The following KLF12 variants were observed in gnomAD, a reference collection of about 807,000 sequenced individuals.
KLF12 encodes Krueppel-like factor 12.
In KLF12, 9 loss-of-function variants were observed where a neutral mutation model predicts 37.8. That is an observed-to-expected ratio of 0.24 (90% CI 0.14 to 0.42). The LOEUF is 0.42. Ranked by LOEUF, KLF12 falls within the 10% of genes least tolerant of loss-of-function variation. The pLI, the probability that KLF12 is intolerant of heterozygous loss-of-function variation, is 1.00. For missense variants in KLF12, 411 were observed against 516.0 expected, an observed-to-expected ratio of 0.80 and a Z score of 1.97; for synonymous variants, 208 against 202.1, an observed-to-expected ratio of 1.03 and a Z score of -0.25.
rs1287961909 is a variant in KLF12, at chr13:73,797,548, T to C, written c.806+15604A>G. Among the ~76,000 whole-genome samples, 8 of 152,012 alleles carry C rather than the reference T, an allele frequency of 5.3e-5. No individual in the cohort carries two copies. The East Asian group carries it at 1.3e-3, about 26-fold the overall frequency. ...ATTTTGGGAGGCTGAGACAGGAGAA[T>C]CACTTGAGGCCACGATTTCGAGACC... On this transcript the variant is annotated intron_variant, in intron 5 of 7. Coordinates refer to ENST00000377669, the MANE Select transcript of KLF12 (RefSeq NM_007249.5).
chr13:73,839,889 T>C (rs1884650733), intron 4 of KLF12, among the ~76,000 whole-genome samples: 1 of 152,182 alleles, frequency 6.6e-6, no homozygotes, highest in Non-Finnish European at 1.5e-5. Context: ...ATAAACTTGC[T>C]ATACTATCTC....
At position 74,090,550 on chromosome 13, in the gene KLF12, T is replaced by C. The variant is rs1313434722; in HGVS notation, c.-32+43189A>G. Among the ~76,000 whole-genome samples, 5 of 152,150 alleles carry C rather than the reference T, an allele frequency of 3.3e-5. No homozygotes were observed. In the East Asian group the frequency reaches 7.7e-4, roughly 23 times the overall value. Reference sequence around the variant, plus strand: ...TAAAATGCATGTAGAGTCTAATAAATGTATACTGGTGGGTCGCTGTGGTTT... The same window carrying C: ...TAAAATGCATGTAGAGTCTAATAAACGTATACTGGTGGGTCGCTGTGGTTT... On this transcript the variant is annotated intron_variant, in intron 1 of 7. Coordinates refer to ENST00000377669, the MANE Select transcript of KLF12 (RefSeq NM_007249.5).
chr13:73,712,816 T>C (rs1387690096), intron 7 of KLF12, among the ~76,000 whole-genome samples: 6 of 152,248 alleles, frequency 3.9e-5, no homozygotes, highest in Non-Finnish European at 8.8e-5. Flanking sequence ...AGATGACTGT[T>C]AGTACTTGTG....
chr13:73,951,190 C>A (rs1003406419), intron 2 of KLF12, among the ~76,000 whole-genome samples: 5 of 152,180 alleles, frequency 3.3e-5, no homozygotes, highest in African/African-American at 1.2e-4. Flanking sequence ...GGGGTTGTTT[C>A]ATGTGCTTTA....
At chr13:74,271,758 G>A in the KLF12 span, among the ~76,000 whole-genome samples, 1 of 152,154 alleles carries the variant, frequency 6.6e-6, no homozygotes. Flanking sequence ...AGGTAGGCAA[G>A]TCAGGTATGG....
intron 6 of KLF12, among the ~76,000 whole-genome samples, chr13:73,764,086 T>C (rs1319640965): frequency 2.0e-5 from 3 of 152,146 alleles, no homozygotes; most frequent in African/African-American, 7.2e-5. Context: ...GTGATCATCT[T>C]CCCATACTTA....
At chr13:73,756,445 GAACATCCTTCAT>G (rs1159200296) in intron 6 of KLF12, among the ~76,000 whole-genome samples, 3 of 152,108 alleles carry the variant, frequency 2.0e-5, no homozygotes, top group South Asian at 2.1e-4. Context: ...TATTTTGACT[GAACATCCTTCAT>G]ACATTTTGGC....
chr13:74,004,333 TATTGTCTATTA>T (rs1448595721), intron 1 of KLF12, among the ~76,000 whole-genome samples: 1 of 152,178 alleles, frequency 6.6e-6, no homozygotes, highest in African/African-American at 2.4e-5. Context: ...CTAACTACTC[TATTGTCTATTA>T]ACTTGCATTA....
chr13:74,072,364 A>AAT (rs773653636), intron 1 of KLF12, among the ~76,000 whole-genome samples: 2,611 of 62,662 alleles, frequency 0.042, 55 homozygotes, highest in Middle Eastern at 0.056. Context: ...AAGAAATACA[A>AAT]ATATATATAT....
intron 1 of KLF12, among the ~76,000 whole-genome samples, chr13:74,011,757 T>C (rs1892556997): frequency 6.6e-6 from 1 of 152,214 alleles, no homozygotes; most frequent in Admixed American, 6.5e-5. Flanking sequence ...GTATGCCATT[T>C]TATATCAGGG....
At chr13:74,176,583 C>T in the KLF12 span, among the ~76,000 whole-genome samples, 1 of 152,198 alleles carries the variant, frequency 6.6e-6, no homozygotes, top group African/African-American at 2.4e-5. Flanking sequence ...ATTTCCTCAT[C>T]ATGAGCTCCT....
chr13:73,969,425 G>C (rs946428045), intron 2 of KLF12, among the ~76,000 whole-genome samples: 3 of 152,222 alleles, frequency 2.0e-5, no homozygotes, highest in African/African-American at 7.2e-5. Flanking sequence ...GCCTTCAACA[G>C]TGTATACCAC....
intron 3 of KLF12, among the ~76,000 whole-genome samples, chr13:73,867,792 A>C (rs555414733): frequency 3.3e-5 from 5 of 152,110 alleles, no homozygotes; most frequent in African/African-American, 1.2e-4. Flanking sequence ...AGTAACATGG[A>C]ATTTCACCAT....
At chr13:73,788,704 A>C (rs1881497661) in intron 5 of KLF12, among the ~76,000 whole-genome samples, 1 of 151,370 alleles carries the variant, frequency 6.6e-6, no homozygotes, top group African/African-American at 2.4e-5. Context: ...CTCAGTTTTC[A>C]TTTTTGTTTC....
At chr13:74,089,819 A>C (rs1393785463) in intron 1 of KLF12, among the ~76,000 whole-genome samples, 27 of 147,584 alleles carry the variant, frequency 1.8e-4, no homozygotes, top group African/African-American at 6.1e-4. Context: ...AAAAAAAAAA[A>C]AAACAACCAT....
chr13:74,081,542 G>A (rs1039360056), intron 1 of KLF12, among the ~76,000 whole-genome samples: 2 of 152,034 alleles, frequency 1.3e-5, no homozygotes, highest in African/African-American at 4.8e-5. Context: ...GCAATCAGTA[G>A]ACATGTTATT....
chr13:73,810,996 T>C (rs1747629684), intron 5 of KLF12, among the ~76,000 whole-genome samples: 1 of 134,210 alleles, frequency 7.5e-6, no homozygotes, highest in African/African-American at 2.8e-5. Context: ...TTTTTTTTTT[T>C]TTTTTTTTTT....
At chr13:74,211,292 T>C in the KLF12 span, among the ~76,000 whole-genome samples, 1 of 152,158 alleles carries the variant, frequency 6.6e-6, no homozygotes, top group East Asian at 1.9e-4. Context: ...TTTTCCAGAG[T>C]GAGCTGGCTT....
intron 1 of KLF12, among the ~76,000 whole-genome samples, chr13:74,061,190 A>G (rs1004304347): frequency 6.6e-6 from 1 of 152,146 alleles, no homozygotes; most frequent in Non-Finnish European, 1.5e-5. Flanking sequence ...ACATCACAAC[A>G]ATCCTTTAAG....
Sources: allele counts gnomAD v4.1 joint callset (sites outside exome capture counted in the v4.1 genomes callset), GRCh38; gene constraint gnomAD v4.1.1; transcripts MANE v1.5; gene names NCBI Gene and HGNC (gene_info 2026-07-23, HGNC 2026-07-21).